The following MAP2 variants were observed in gnomAD, a reference collection of about 807,000 sequenced individuals.
MAP2 encodes microtubule-associated protein 2.
MAP2 carries 14 observed loss-of-function variants against 137.6 expected under a neutral mutation model. The observed-to-expected ratio is 0.10, with a 90% confidence interval of 0.07 to 0.16. MAP2 has a LOEUF of 0.16. MAP2 is among the 10% of genes least tolerant of loss of function. The pLI is 1.00. For synonymous variants in MAP2, 786 were observed against 782.3 expected (o/e 1.00, Z -0.08); for missense variants, 2,088 against 2,191.5 (o/e 0.95, Z 0.94).
intron 13 of MAP2, among the ~76,000 whole-genome samples, chr2:209,715,477 CA>C (rs1235166500): frequency 4.0e-5 from 6 of 151,046 alleles, no homozygotes; most frequent in African/African-American, 1.5e-4. Flanking sequence ...TTCTTGCCAT[CA>C]TGGAATTTAC....
intron 1 of MAP2, among the ~76,000 whole-genome samples, chr2:209,470,148 G>C (rs910602795): frequency 2.0e-5 from 3 of 152,078 alleles, no homozygotes; most frequent in Non-Finnish European, 4.4e-5. Flanking sequence ...TTCAAAATTA[G>C]TATAGCATGT....
In MAP2 at chr2:209,710,367, T is replaced by C; in HGVS notation, c.5073+113T>C. ...AAGCAGAGGTGTTAAAGAGCTTGGT[T>C]ACAATTTATTGCTAAGAGTTTGGAC... On this transcript the variant is annotated intron_variant, in intron 13 of 15. Coordinates refer to ENST00000682079, the MANE Select transcript of MAP2 (RefSeq NM_001375505.1). 5.5e-6 allele frequency: 5 copies of C among 915,764 alleles called. No homozygotes were observed. In the South Asian group the frequency reaches 8.8e-5, roughly 16 times the overall value. 56.7% of individuals were successfully genotyped at this position (915,764 alleles called of 1,614,324 possible).
At position 209,725,803 on chromosome 2, in the gene MAP2, T is replaced by C; in HGVS notation, c.5155+13T>C. The C allele has an allele frequency of 6.5e-7, 1 of 1,539,118 alleles. No homozygotes were observed. The highest frequency in any genetic ancestry group is 8.8e-7 in the Non-Finnish European group (1 of 1,139,300). On this transcript the variant is annotated intron_variant, in intron 14 of 15. Coordinates refer to ENST00000682079, the MANE Select transcript of MAP2 (RefSeq NM_001375505.1). Reference sequence around the variant, plus strand: ...CGCCACAGGCCAGGTAAATAAATAATTTTTAGTAGTTTGAGAAATATTTAA... The same window carrying C: ...CGCCACAGGCCAGGTAAATAAATAACTTTTAGTAGTTTGAGAAATATTTAA...
Position 209,531,007 on chromosome 2 carries a change from A to T in MAP2, c.-172+23366A>T, listed in dbSNP as rs571611573. Among the ~76,000 whole-genome samples the T allele has an allele frequency of 1.2e-3, 181 of 152,306 alleles. 4 individuals carry two copies. The South Asian group carries it at 0.037, about 31-fold the overall frequency. On this transcript the variant is annotated intron_variant, in intron 2 of 15. Transcript: ENST00000682079. ...CTGCTGATTGAATGAATGAAATACAAATACAAAGTCCACTATTTTCGCCAA... is the reference window on the plus strand; with the variant it reads ...CTGCTGATTGAATGAATGAAATACATATACAAAGTCCACTATTTTCGCCAA...
At chr2:209,499,899 A>G (rs970988786) in intron 1 of MAP2, among the ~76,000 whole-genome samples, 1 of 152,168 alleles carries the variant, frequency 6.6e-6, no homozygotes, top group Non-Finnish European at 1.5e-5. Flanking sequence ...CCCATTATCC[A>G]GTCACCTCCC....
intron 1 of MAP2, among the ~76,000 whole-genome samples, chr2:209,495,882 A>G (rs1020431758): frequency 2.0e-5 from 3 of 152,114 alleles, no homozygotes; most frequent in Non-Finnish European, 4.4e-5. Flanking sequence ...AAAGTTCTTC[A>G]TTTTCAACTG....
chr2:209,704,638 T>A (rs1385289664), intron 11 of MAP2: 1 of 1,567,942 alleles, frequency 6.4e-7, no homozygotes, highest in East Asian at 2.3e-5. Flanking sequence ...GGCAGGTCAA[T>A]AAAAGGTGCA....
intron 2 of MAP2, among the ~76,000 whole-genome samples, chr2:209,551,955 G>A (rs919879012): frequency 1.3e-5 from 2 of 152,154 alleles, no homozygotes; most frequent in African/African-American, 4.8e-5. Context: ...TCATCCCAAA[G>A]CCATGCCCCA....
intron 3 of MAP2, among the ~76,000 whole-genome samples, chr2:209,608,239 G>C (rs781728842): frequency 1.3e-5 from 2 of 151,642 alleles, no homozygotes; most frequent in Admixed American, 6.6e-5. Context: ...ATTAAATACT[G>C]TACACATATA....
intron 12 of MAP2, among the ~76,000 whole-genome samples, chr2:209,706,276 A>G (rs1240194110): frequency 6.6e-6 from 1 of 152,150 alleles, no homozygotes; most frequent in Non-Finnish European, 1.5e-5. Context: ...AACAGTTTAT[A>G]TAATGCTCCA....
chr2:209,424,874 G>A (rs1692109485), intron 1 of MAP2, among the ~76,000 whole-genome samples: 1 of 152,206 alleles, frequency 6.6e-6, no homozygotes, highest in East Asian at 1.9e-4. Context: ...AATGAGTCTG[G>A]TTAGGCTTCC....
chr2:209,515,247 TAA>T (rs1260754917), intron 2 of MAP2, among the ~76,000 whole-genome samples: 7 of 152,130 alleles, frequency 4.6e-5, no homozygotes, highest in Non-Finnish European at 1.0e-4. Context: ...CTCATTTATC[TAA>T]AGTTTTATAC....
chr2:209,445,033 C>T (rs986072723), intron 1 of MAP2, among the ~76,000 whole-genome samples: 1 of 151,076 alleles, frequency 6.6e-6, no homozygotes, highest in African/African-American at 2.4e-5. Flanking sequence ...CAATAAATTT[C>T]CTAAGGACTA....
At chr2:209,552,968 T>G (rs1344847951) in intron 2 of MAP2, among the ~76,000 whole-genome samples, 1 of 152,036 alleles carries the variant, frequency 6.6e-6, no homozygotes, top group Non-Finnish European at 1.5e-5. Flanking sequence ...TTGACAGCAC[T>G]GCACTGTCAC....
intron 1 of MAP2, among the ~76,000 whole-genome samples, chr2:209,440,152 T>G (rs565795989): frequency 1.3e-5 from 2 of 151,664 alleles, no homozygotes; most frequent in African/African-American, 4.8e-5. Context: ...GTACAGTATT[T>G]GCAATATTTC....
chr2:209,708,164 A>G (rs1190319234), intron 12 of MAP2, among the ~76,000 whole-genome samples: 1 of 152,218 alleles, frequency 6.6e-6, no homozygotes, highest in African/African-American at 2.4e-5. Flanking sequence ...TCAGACAGAC[A>G]TAGAGACAGA....
chr2:209,504,975 G>A (rs1458102465), intron 1 of MAP2, among the ~76,000 whole-genome samples: 1 of 152,118 alleles, frequency 6.6e-6, no homozygotes, highest in African/African-American at 2.4e-5. Flanking sequence ...GTCACTGAGT[G>A]TGTTGAATCA....
At chr2:209,729,215 T>C (rs998956638) in intron 14 of MAP2, among the ~76,000 whole-genome samples, 1 of 152,210 alleles carries the variant, frequency 6.6e-6, no homozygotes, top group Admixed American at 6.5e-5. Context: ...GTCAGCGTCA[T>C]ATTGGTCCTA....
At chr2:209,511,656 C>T (rs2061736621) in intron 2 of MAP2, among the ~76,000 whole-genome samples, 1 of 152,078 alleles carries the variant, frequency 6.6e-6, no homozygotes, top group Non-Finnish European at 1.5e-5. Flanking sequence ...ACTGCAGCCT[C>T]AACCCTTGGG....
Sources: gnomAD v4.1 joint callset for allele counts (sites outside exome capture counted in the v4.1 genomes callset) on GRCh38, gnomAD v4.1.1 for gene constraint, MANE v1.5 for transcripts, NCBI Gene and HGNC (gene_info 2026-07-23, HGNC 2026-07-21) for gene names.